AQR: variants seen among roughly 807,000 people sequenced by gnomAD.
AQR encodes aquarius intron-binding spliceosomal factor, also known as RNA helicase aquarius.
AQR carries 61 observed loss-of-function variants against 180.5 expected under a neutral mutation model. That is an observed-to-expected ratio of 0.34 (90% confidence interval 0.28 to 0.42). AQR has a LOEUF of 0.42. Among genes scored for constraint, AQR ranks in the 10% least tolerant of loss-of-function variants. AQR has a pLI of 1.00. For synonymous variants in AQR, 551 were observed against 588.8 expected, an observed-to-expected ratio of 0.94 and a Z score of 0.93; for missense variants, 1,281 against 1,798.3, an observed-to-expected ratio of 0.71 and a Z score of 5.20.
Position 34,856,595 on chromosome 15 carries a change from T to C in AQR, c.*197A>G, listed in dbSNP as rs1048769732. The C allele has an allele frequency of 1.1e-5, 5 of 464,124 alleles. No homozygotes were observed. The highest frequency in any genetic ancestry group is 7.9e-5 in the African/African-American group (4 of 50,578). 28.8% of individuals were successfully genotyped at this position (464,124 alleles called of 1,614,324 possible). A position where few individuals can be genotyped will look rare whatever the true frequency, so the allele number is the denominator to read the frequency against. On this transcript the variant is annotated 3_prime_UTR_variant, in exon 35 of 35. Coordinates refer to ENST00000156471, the MANE Select transcript of AQR (RefSeq NM_014691.3). ...AAGGAATGGTTATTTGCTCTTCTGA[T>C]TGAACAAATGAAACTAGAATTGTTC...
chr15:34,919,215 G>T (rs1416903579), intron 14 of AQR, among the ~76,000 whole-genome samples: 1 of 149,780 alleles, frequency 6.7e-6, no homozygotes, highest in Non-Finnish European at 1.5e-5. Flanking sequence ...CTCCAGCCTG[G>T]GGGACAGAGT....
intron 17 of AQR, among the ~76,000 whole-genome samples, chr15:34,908,786 T>C (rs1379625917): frequency 1.3e-5 from 2 of 152,224 alleles, no homozygotes; most frequent in Non-Finnish European, 2.9e-5. Flanking sequence ...CTCTCATCTA[T>C]AAATTCCTAT....
intron 27 of AQR, among the ~76,000 whole-genome samples, chr15:34,878,804 G>A (rs1319573707): frequency 6.6e-6 from 1 of 152,154 alleles, no homozygotes; most frequent in Non-Finnish European, 1.5e-5. Context: ...CCCGAGGCTG[G>A]ATCACTTGAG....
rs1227458524 is a variant in AQR at position 34,904,400 on chromosome 15, G to A, written c.1937C>T (p.Ala646Val). 6.2e-7 allele frequency: 1 copy of A among 1,609,300 alleles called. No homozygotes were observed. Among genetic ancestry groups the A allele is most frequent in the Non-Finnish European group, 8.5e-7 (1 of 1,177,350 alleles). The change falls in exon 19 of 35, where the codon GCA becomes GTA. Residue 646 changes from alanine to valine, a missense_variant. By Grantham distance (64) the Ala-to-Val change is moderately conservative. This residue lies in a region of AQR where 200 missense variants were observed against 293.4 expected (regional missense o/e 0.68). Coordinates refer to ENST00000156471, the MANE Select transcript of AQR (RefSeq NM_014691.3). ...ATTAAAAGTTTCATACACATCCTCTGCTCCATTTTGTATAGTATTGGTCAT... is the reference window on the plus strand; with the variant it reads ...ATTAAAAGTTTCATACACATCCTCTACTCCATTTTGTATAGTATTGGTCAT... ...QDMTNTIQNG[A>V]EDVYETFNII...
chr15:34,874,073 G>A, intron 29 of AQR, 74 bp from the exon 30 acceptor site: 1 of 1,304,452 alleles, frequency 7.7e-7, no homozygotes, highest in Non-Finnish European at 1.0e-6. Flanking sequence ...ACATAAGGAG[G>A]TTTCTGTTTC....
intron 33 of AQR, 129 bp downstream of exon 33, chr15:34,862,738 T>C (rs1210093020): frequency 9.9e-7 from 1 of 1,005,876 alleles, no homozygotes; most frequent in Non-Finnish European, 1.4e-6. Flanking sequence ...AGTTCCTCAG[T>C]GCAGCACACT....
At chr15:34,964,436 T>G (rs775844623) in intron 1 of AQR, 146 bp from the exon 2 acceptor site, 1 of 729,700 alleles carries the variant, frequency 1.4e-6, no homozygotes, top group Admixed American at 2.0e-5. Context: ...TACACAGGCA[T>G]GCAGGCCAGT....
intron 20 of AQR, among the ~76,000 whole-genome samples, chr15:34,898,333 C>G (rs116628339): frequency 0.013 from 2,028 of 152,266 alleles, 54 homozygotes; most frequent in African/African-American, 0.046. Flanking sequence ...AATTCATTCT[C>G]TATGTGTACT....
chr15:34,879,444 C>A (rs936125091), intron 27 of AQR, among the ~76,000 whole-genome samples: 1 of 152,138 alleles, frequency 6.6e-6, no homozygotes, highest in African/African-American at 2.4e-5. Flanking sequence ...GAGAGAACTG[C>A]GCATGCTTGA....
chr15:34,886,517 A>G lies in AQR; in HGVS notation c.2817+9T>C, dbSNP rs751410011. The G allele has an allele frequency of 8.8e-6, 14 of 1,597,136 alleles. No individual in the cohort carries two copies. The highest frequency in any genetic ancestry group is 1.2e-5 in the Non-Finnish European group (14 of 1,175,904). ...ATGAAGTATGATTCAAAAACCCTTA[A>G]TATCTTACCTGGTATAAGAAGAAAT... On this transcript the variant is annotated intron_variant, in intron 25 of 34. Transcript: ENST00000156471.
intron 11 of AQR, 91 bp downstream of exon 11, chr15:34,932,227 T>A: frequency 9.7e-7 from 1 of 1,034,594 alleles, no homozygotes; most frequent in Non-Finnish European, 1.5e-6. Flanking sequence ...TAGGAGTTTG[T>A]GTTATGCCCT....
intron 12 of AQR, 30 bp downstream of exon 12, chr15:34,930,228 C>G (rs763637625): frequency 8.8e-6 from 12 of 1,358,896 alleles, no homozygotes; most frequent in Middle Eastern, 1.9e-4. Flanking sequence ...CCTTATGGAG[C>G]ATACACAGTC....
intron 32 of AQR, among the ~76,000 whole-genome samples, chr15:34,866,300 A>C (rs1259965617): frequency 1.3e-5 from 2 of 151,336 alleles, no homozygotes; most frequent in Non-Finnish European, 2.9e-5. Context: ...ACCACCACCA[A>C]CACTATCCCC....
chr15:34,911,905 G>GAGTTTCAC (rs1555424759), intron 16 of AQR, among the ~76,000 whole-genome samples: 1 of 151,064 alleles, frequency 6.6e-6, no homozygotes, highest in Non-Finnish European at 1.5e-5. Context: ...TTTCTTCTCG[G>GAGTTTCAC]AGTTTCATGG....
chr15:34,963,865 G>A lies in AQR; in HGVS notation c.132+369C>T, dbSNP rs942428817. Among the ~76,000 whole-genome samples, 6 of 59,258 alleles carry A rather than the reference G, an allele frequency of 1.0e-4. No individual in the cohort carries two copies. The South Asian group carries it at 3.0e-3, about 29-fold the overall frequency. 38.9% of individuals were successfully genotyped at this position (59,258 alleles called of 152,430 possible). A position where few individuals can be genotyped will look rare whatever the true frequency, so the allele number is the denominator to read the frequency against. ...TTTTTAGTAGAGATGGGGTTTCACC[G>A]TGTTGGTCAGATGGTCTCGATCTCC... On this transcript the variant is annotated intron_variant, in intron 2 of 34. Coordinates refer to ENST00000156471, the MANE Select transcript of AQR (RefSeq NM_014691.3).
Position 34,896,951 on chromosome 15 carries a change from G to A in AQR, c.2406C>T (p.Phe802=), listed in dbSNP as rs1345647176. The change falls in exon 22 of 35, where the codon TTC becomes TTT. Residue 802 remains phenylalanine (F), a synonymous_variant. Coordinates refer to ENST00000156471, the MANE Select transcript of AQR (RefSeq NM_014691.3). Reference sequence around the variant, plus strand: ...GGATGGCTTCTATCTGTGTATGAGTGAACTGAATCGTATTACTGCAAATAA... The same window carrying A: ...GGATGGCTTCTATCTGTGTATGAGTAAACTGAATCGTATTACTGCAAATAA... ...YNQPKRNTIQ[F]THTQIEAIRA... 4 of 1,612,510 alleles carry A rather than the reference G, an allele frequency of 2.5e-6. No homozygotes were observed. The highest frequency in any genetic ancestry group is 3.4e-6 in the Non-Finnish European group (4 of 1,178,678).
Position 34,852,737 on chromosome 15 carries a change from T to C in AQR, c.*4055A>G, listed in dbSNP as rs146494744. The C allele has an allele frequency of 6.6e-6, 1 of 152,320 alleles. No individual in the cohort carries two copies. Among genetic ancestry groups the C allele is most frequent in the Non-Finnish European group, 1.5e-5 (1 of 68,030 alleles). The allele number at this position is 152,320 out of a possible 1,614,324, so 9.4% of individuals were successfully genotyped here. On this transcript the variant is annotated 3_prime_UTR_variant, in exon 35 of 35. Transcript: ENST00000156471. ...AATAATTCACTGTTTCCCAAACTTA[T>C]CTGACCATAGAACATATTTCTCAGA...
At chr15:34,912,864 G>A (rs1319877031) in intron 16 of AQR, among the ~76,000 whole-genome samples, 1 of 152,092 alleles carries the variant, frequency 6.6e-6, no homozygotes, top group Non-Finnish European at 1.5e-5. Flanking sequence ...AAGACTTTAT[G>A]TCACAACAAA....
chr15:34,942,988 T>TA (rs1019168531), intron 6 of AQR: 207 of 1,401,894 alleles, frequency 1.5e-4, no homozygotes, highest in Non-Finnish European at 1.8e-4. Context: ...TAGTTTCTGA[T>TA]AAAAAAATCA....
Sources: allele counts gnomAD v4.1 joint callset (sites outside exome capture counted in the v4.1 genomes callset), GRCh38; gene constraint gnomAD v4.1.1; regional missense constraint gnomAD v4.1.1; transcripts MANE v1.5; gene names NCBI Gene and HGNC (gene_info 2026-07-23, HGNC 2026-07-21).